CDK13: variants seen among roughly 807,000 people sequenced by gnomAD.
The protein encoded by CDK13 is cyclin-dependent kinase 13.
Under a neutral mutation model 137.6 loss-of-function variants are expected in CDK13, and 40 were observed. The ratio of observed to expected loss-of-function variants is 0.29; its 90% CI spans 0.23 to 0.38. The LOEUF (loss-of-function observed/expected upper bound fraction) is 0.38. CDK13 is among the 10% of genes least tolerant of loss of function. The probability of loss-of-function intolerance (pLI) is 1.00; values close to 1 mark genes in which losing one functional copy is unlikely to be tolerated. For missense variants in CDK13, 1,704 were observed against 1,951.8 expected (o/e 0.87, Z 2.39); for synonymous variants, 869 against 760.1 (o/e 1.14, Z -2.36).
At position 40,094,249 on chromosome 7, in the gene CDK13, G is replaced by A. The variant is rs1370851895; in HGVS notation, c.3808G>A (p.Val1270Ile). The change falls in exon 14 of 14, where the codon GTC becomes ATC. Residue 1270 changes from valine (V) to isoleucine (I), a missense_variant. By Grantham distance (29) the Val-to-Ile change is conservative. Coordinates refer to ENST00000181839, the MANE Select transcript of CDK13 (RefSeq NM_003718.5). Reference sequence around the variant, plus strand: ...TCCCGAGCCTCCTGAACCACCACCAGTCACTGAGGAAGATCTAGATTATCG... The same window carrying A: ...TCCCGAGCCTCCTGAACCACCACCAATCACTGAGGAAGATCTAGATTATCG... ...RPPEPPEPPPVTEEDLDYRTE... is the reference protein window; with the variant it reads ...RPPEPPEPPPITEEDLDYRTE... The A allele has an allele frequency of 2.2e-5, 35 of 1,612,648 alleles. No homozygotes were observed. Among genetic ancestry groups the A allele is most frequent in the Non-Finnish European group, 2.9e-5 (34 of 1,179,538 alleles).
chr7:40,089,553 A>G (rs1356530185), intron 12 of CDK13, among the ~76,000 whole-genome samples: 4 of 152,094 alleles, frequency 2.6e-5, no homozygotes, highest in Non-Finnish European at 4.4e-5. Context: ...TGCCTCTTCA[A>G]TGTTGTCAAG....
intron 5 of CDK13, among the ~76,000 whole-genome samples, chr7:40,007,154 A>G (rs1006946579): frequency 2.0e-5 from 3 of 152,208 alleles, no homozygotes; most frequent in South Asian, 2.1e-4. Context: ...ACTATCCCGT[A>G]ATTAATTTAG....
intron 9 of CDK13, chr7:40,073,122 A>G (rs940736758): frequency 6.6e-6 from 1 of 152,230 alleles, no homozygotes; most frequent in Non-Finnish European, 1.5e-5. Flanking sequence ...TCCCATTAAA[A>G]TCAGAAAATA....
chr7:39,976,750 A>G (rs898216678), intron 1 of CDK13, among the ~76,000 whole-genome samples: 1 of 152,228 alleles, frequency 6.6e-6, no homozygotes, highest in African/African-American at 2.4e-5. Flanking sequence ...AATTATAACA[A>G]TACCCTAAAA....
chr7:40,066,383 T>G (rs1786279588), intron 9 of CDK13, among the ~76,000 whole-genome samples: 1 of 152,208 alleles, frequency 6.6e-6, no homozygotes, highest in African/African-American at 2.4e-5. Flanking sequence ...TCATTCCCTC[T>G]GTAAAGAAAA....
chr7:40,094,850 C>G lies in CDK13; in HGVS notation c.4409C>G (p.Pro1470Arg), dbSNP rs776784082. 4.5e-6 allele frequency: 7 copies of G among 1,551,524 alleles called. No individual in the cohort carries two copies. Among genetic ancestry groups the G allele is most frequent in the Non-Finnish European group, 6.1e-6 (7 of 1,150,570 alleles). The part of the protein sequence containing the change: ...YNYGGNLQEN[P>R]SGPSLMHGQT... ...TATGGTGGTAACTTACAGGAAAATC[C>G]GAGTGGCCCCAGCCTCATGCATGGA... is the stretch of plus-strand genomic sequence containing the variant. Residue 1470 changes from proline (P) to arginine (R), a missense_variant, in exon 14 of 14, where the codon CCG (proline) becomes CGG (arginine). Physicochemically the swap from Pro to Arg is moderately radical, Grantham distance 103. This residue lies in a region of CDK13 where 475 missense variants were observed against 579.3 expected (regional missense o/e 0.82). Coordinates refer to ENST00000181839, the MANE Select transcript of CDK13 (RefSeq NM_003718.5).
chr7:40,020,270 G>T (rs559774449), intron 5 of CDK13, among the ~76,000 whole-genome samples: 17 of 152,106 alleles, frequency 1.1e-4, no homozygotes, highest in African/African-American at 4.1e-4. Flanking sequence ...GTTTCTCTGT[G>T]TTGCCCAAAC....
At chr7:40,046,798 T>TC (rs1185066145) in intron 6 of CDK13, among the ~76,000 whole-genome samples, 6 of 151,840 alleles carry the variant, frequency 4.0e-5, no homozygotes, top group Non-Finnish European at 4.4e-5. Context: ...GGCCAGGAGT[T>TC]CAAGACCAGC....
At chr7:40,003,206 A>ACACTCTCT (rs374470130) in intron 5 of CDK13, among the ~76,000 whole-genome samples, 57 of 79,900 alleles carry the variant, frequency 7.1e-4, no homozygotes, top group African/African-American at 2.3e-3. Context: ...ACACACACAC[A>ACACTCTCT]CTCTCTCTCT....
At chr7:40,092,608 AG>A in intron 12 of CDK13, 176 bp from the exon 13 acceptor site, 3 of 575,044 alleles carry the variant, frequency 5.2e-6, no homozygotes, top group Non-Finnish European at 9.2e-6. Context: ...TTTTATGTAC[AG>A]GTACATTTTA....
chr7:40,043,879 T>A (rs1785672870), intron 5 of CDK13, among the ~76,000 whole-genome samples: 1 of 150,794 alleles, frequency 6.6e-6, no homozygotes, highest in Admixed American at 6.7e-5. Flanking sequence ...ATTTGGTGTT[T>A]ATTAATGAAT....
chr7:40,045,645 T>C (rs932351943), intron 5 of CDK13, among the ~76,000 whole-genome samples, 191 bp from the exon 6 acceptor site: 8 of 151,788 alleles, frequency 5.3e-5, no homozygotes, highest in Admixed American at 4.6e-4. Context: ...ATAGATTAGA[T>C]GTTTTCCTTG....
At chr7:40,087,397 C>A (rs1462670627) in intron 11 of CDK13, among the ~76,000 whole-genome samples, 1 of 152,092 alleles carries the variant, frequency 6.6e-6, no homozygotes, top group African/African-American at 2.4e-5. Flanking sequence ...CCCGTCTTGG[C>A]CTCCCTAAGC....
intron 11 of CDK13, among the ~76,000 whole-genome samples, chr7:40,081,574 T>A (rs1562764694): frequency 6.6e-6 from 1 of 152,242 alleles, no homozygotes; most frequent in Non-Finnish European, 1.5e-5. Context: ...TCATATATTT[T>A]AAAAAACAAA....
At chr7:40,076,728 T>C (rs1786552827) in intron 9 of CDK13, among the ~76,000 whole-genome samples, 1 of 152,050 alleles carries the variant, frequency 6.6e-6, no homozygotes, top group Admixed American at 6.5e-5. Flanking sequence ...CCTATAAATA[T>C]GTGTTTCTGA....
intron 6 of CDK13, among the ~76,000 whole-genome samples, chr7:40,047,155 A>ATTCT (rs1785763181): frequency 6.6e-6 from 1 of 152,188 alleles, no homozygotes; most frequent in Non-Finnish European, 1.5e-5. Flanking sequence ...TTAGGTTAAG[A>ATTCT]ATAGATTTTA....
At chr7:40,023,648 C>T (rs1272746987) in intron 5 of CDK13, among the ~76,000 whole-genome samples, 3 of 152,032 alleles carry the variant, frequency 2.0e-5, no homozygotes, top group Non-Finnish European at 4.4e-5. Flanking sequence ...TGCAGGCGCC[C>T]GCCACCACGC....
chr7:40,064,284 CAA>C (rs1388646828), intron 9 of CDK13, among the ~76,000 whole-genome samples: 13 of 59,750 alleles, frequency 2.2e-4, no homozygotes, highest in African/African-American at 3.0e-4. Context: ...AATTATGTCT[CAA>C]AAAAAAAAAA....
intron 5 of CDK13, among the ~76,000 whole-genome samples, chr7:40,014,419 TCTTATA>T (rs1784961213): frequency 6.6e-6 from 1 of 151,562 alleles, no homozygotes; most frequent in African/African-American, 2.4e-5. Flanking sequence ...TTGAATAGTT[TCTTATA>T]CTTAGAGGCC....
Sources: gnomAD v4.1 joint callset for allele counts (sites outside exome capture counted in the v4.1 genomes callset) on GRCh38, gnomAD v4.1.1 for gene constraint, gnomAD v4.1.1 regional missense constraint, MANE v1.5 for transcripts, NCBI Gene and HGNC (gene_info 2026-07-23, HGNC 2026-07-21) for gene names.